Variants in CDH13 observed in about 807,000 individuals in gnomAD.
The protein encoded by CDH13 is cadherin 13, also known as cadherin-13.
Under a neutral mutation model 63.8 loss-of-function variants are expected in CDH13, and 24 were observed. The observed-to-expected ratio is 0.38, with a 90% confidence interval of 0.27 to 0.53. The LOEUF is 0.53. CDH13 is among the 20% of genes least tolerant of loss of function. CDH13 has a pLI of 0.85. For missense variants in CDH13, 1,049 were observed against 903.1 expected (o/e 1.16, Z -2.07); for synonymous variants, 503 against 355.3 (o/e 1.42, Z -4.67).
At chr16:83,104,406 C>CA (rs1410715100) in intron 3 of CDH13, among the ~76,000 whole-genome samples, 3 of 151,964 alleles carry the variant, frequency 2.0e-5, no homozygotes, top group Non-Finnish European at 2.9e-5. Flanking sequence ...TGTAATGCGA[C>CA]AAAAAACACA....
intron 6 of CDH13, among the ~76,000 whole-genome samples, chr16:83,472,180 T>C (rs1218176469): frequency 6.6e-6 from 1 of 152,186 alleles, no homozygotes; most frequent in Non-Finnish European, 1.5e-5. Context: ...CCGTTATACC[T>C]CAGGCTCACT....
chr16:83,394,537 C>G lies in CDH13; in HGVS notation c.781+49531C>G, dbSNP rs1464552697. Among the ~76,000 whole-genome samples, 4 of 152,234 alleles carry G rather than the reference C, an allele frequency of 2.6e-5. No individual in the cohort carries two copies. The East Asian group carries it at 7.7e-4, about 29-fold the overall frequency. On this transcript the variant is annotated intron_variant, in intron 6 of 13. Transcript: ENST00000567109. ...AGAAGGGGAGCAGAAGCAGGGGGAGCAGATCACATCCAACTGTGCAGGCGT... is the reference window on the plus strand; with the variant it reads ...AGAAGGGGAGCAGAAGCAGGGGGAGGAGATCACATCCAACTGTGCAGGCGT...
intron 1 of CDH13, among the ~76,000 whole-genome samples, chr16:82,697,739 T>TTGTGTGTG (rs56791322): frequency 4.1e-5 from 6 of 146,690 alleles, no homozygotes; most frequent in South Asian, 4.3e-4. Context: ...GGCCGAGGCA[T>TTGTGTGTG]TGTGTGTGTG....
At chr16:82,867,377 G>A (rs1219267561) in intron 2 of CDH13, among the ~76,000 whole-genome samples, 1 of 152,124 alleles carries the variant, frequency 6.6e-6, no homozygotes, top group African/African-American at 2.4e-5. Flanking sequence ...AACTGCTGCT[G>A]CTGCGTATTT....
At chr16:83,443,050 A>G (rs2072528596) in intron 6 of CDH13, among the ~76,000 whole-genome samples, 1 of 152,242 alleles carries the variant, frequency 6.6e-6, no homozygotes, top group Non-Finnish European at 1.5e-5. Flanking sequence ...CTGCAGTGCT[A>G]CAGCTGTTCA....
intron 7 of CDH13, among the ~76,000 whole-genome samples, chr16:83,533,301 C>T (rs942210245): frequency 6.6e-6 from 1 of 152,196 alleles, no homozygotes; most frequent in Non-Finnish European, 1.5e-5. Context: ...CTCAGCGTGA[C>T]TCGCAACCTC....
Position 83,291,998 on chromosome 16 carries a change from G to A in CDH13, c.637-52864G>A, listed in dbSNP as rs910657317. On this transcript the variant is annotated intron_variant, in intron 5 of 13. Coordinates refer to ENST00000567109, the MANE Select transcript of CDH13 (RefSeq NM_001257.5). ...GGTCATGAGTTATTGAATTTGTATA[G>A]GAGAGTTAATTTGTAATGTCCTTGA... 5.3e-4 allele frequency among the ~76,000 whole-genome samples: 80 copies of A among 152,252 alleles called. 1 individual carries two copies. The highest frequency in any genetic ancestry group is 3.9e-4 in the Admixed American group (6 of 15,288).
chr16:83,054,901 T>C (rs890686836), intron 3 of CDH13, among the ~76,000 whole-genome samples: 1 of 152,118 alleles, frequency 6.6e-6, no homozygotes, highest in African/African-American at 2.4e-5. Context: ...CATTCTGCAG[T>C]GTTCACGTGG....
At chr16:83,762,464 G>A (rs1035605687) in intron 11 of CDH13, among the ~76,000 whole-genome samples, 6 of 152,182 alleles carry the variant, frequency 3.9e-5, no homozygotes, top group Non-Finnish European at 8.8e-5. Flanking sequence ...ATCCCTTTGG[G>A]GATGTGCTGG....
chr16:83,201,991 C>G (rs981998573), intron 4 of CDH13, among the ~76,000 whole-genome samples: 2 of 152,104 alleles, frequency 1.3e-5, no homozygotes, highest in Admixed American at 6.6e-5. Flanking sequence ...CATGTTTGAG[C>G]CTGCATGGGA....
At chr16:83,776,037 A>T (rs1915087985) in intron 11 of CDH13, among the ~76,000 whole-genome samples, 1 of 152,168 alleles carries the variant, frequency 6.6e-6, no homozygotes, top group Non-Finnish European at 1.5e-5. Flanking sequence ...AAACTGAGAG[A>T]GGCTCTTTCC....
intron 6 of CDH13, among the ~76,000 whole-genome samples, chr16:83,395,070 C>T (rs1007425850): frequency 2.4e-4 from 37 of 151,522 alleles, no homozygotes; most frequent in African/African-American, 8.5e-4. Flanking sequence ...ATTGCCTGAA[C>T]CCAGGAGGCA....
chr16:82,839,603 C>G (rs1991025), intron 1 of CDH13, among the ~76,000 whole-genome samples: 39,370 of 152,052 alleles, frequency 0.26, 5,451 homozygotes, highest in Middle Eastern at 0.33. Flanking sequence ...GTACCCCCAA[C>G]TTGGATAACG....
chr16:83,075,959 G>A (rs371743584), intron 3 of CDH13, among the ~76,000 whole-genome samples: 69 of 152,288 alleles, frequency 4.5e-4, no homozygotes, highest in African/African-American at 1.6e-3. Context: ...TCAGCTTCGT[G>A]ACAAAAACCA....
chr16:83,096,250 C>T (rs141958413), intron 3 of CDH13, among the ~76,000 whole-genome samples: 4 of 152,236 alleles, frequency 2.6e-5, no homozygotes, highest in Non-Finnish European at 4.4e-5. Flanking sequence ...GTTCAGCAAC[C>T]GACCATCATG....
At chr16:83,536,922 G>C (rs1391279055) in intron 7 of CDH13, among the ~76,000 whole-genome samples, 1 of 152,162 alleles carries the variant, frequency 6.6e-6, no homozygotes, top group African/African-American at 2.4e-5. Flanking sequence ...ATTGAAATGG[G>C]GATGTTGCGG....
intron 7 of CDH13, among the ~76,000 whole-genome samples, chr16:83,531,525 C>A (rs531207691): frequency 6.6e-6 from 1 of 152,170 alleles, no homozygotes; most frequent in African/African-American, 2.4e-5. Context: ...TCTTCTCTGC[C>A]GCCATGTGAG....
At chr16:83,136,154 C>T (rs1339378953) in intron 4 of CDH13, among the ~76,000 whole-genome samples, 1 of 149,044 alleles carries the variant, frequency 6.7e-6, no homozygotes, top group African/African-American at 2.5e-5. Context: ...ACCACCTGTA[C>T]CCCAACAACC....
At position 83,184,652 on chromosome 16, in the gene CDH13, G is replaced by A. The variant is rs575825023; in HGVS notation, c.484-32693G>A. On this transcript the variant is annotated intron_variant, in intron 4 of 13. Transcript: ENST00000567109. Reference sequence around the variant, plus strand: ...CGCCTGTAGTCCCAGCTACTCAGGAGGCTAAGGCAGGAGAATCGTCTGAAC... The same window carrying A: ...CGCCTGTAGTCCCAGCTACTCAGGAAGCTAAGGCAGGAGAATCGTCTGAAC... Among the ~76,000 whole-genome samples the A allele has an allele frequency of 2.0e-5, 3 of 152,292 alleles. No individual in the cohort carries two copies. The East Asian group carries it at 5.8e-4, about 29-fold the overall frequency.
Sources: allele counts gnomAD v4.1 joint callset (sites outside exome capture counted in the v4.1 genomes callset), GRCh38; gene constraint gnomAD v4.1.1; transcripts MANE v1.5; gene names NCBI Gene and HGNC (gene_info 2026-07-23, HGNC 2026-07-21).